VPS37A: variants seen among roughly 807,000 people sequenced by gnomAD.
VPS37A encodes the protein VPS37A subunit of ESCRT-I.
VPS37A carries 30 observed loss-of-function variants against 49.8 expected under a neutral mutation model. The observed-to-expected ratio is 0.60, with a 90% confidence interval of 0.45 to 0.82. VPS37A has a LOEUF of 0.82. Among genes scored for constraint, VPS37A ranks in the 40% least tolerant of loss-of-function variants. VPS37A has a pLI of 0.00. For missense variants in VPS37A, 593 were observed against 464.4 expected (o/e 1.28, Z -2.55); for synonymous variants, 195 against 160.6 (o/e 1.21, Z -1.62).
chr8:17,253,455 G>A (rs1812158349), intron 1 of VPS37A, among the ~76,000 whole-genome samples: 1 of 152,190 alleles, frequency 6.6e-6, no homozygotes, highest in African/African-American at 2.4e-5. Context: ...ATTCCTGGTT[G>A]TCACAGAAGA....
At chr8:17,305,653 G>T, downstream of VPS37A, 3 of 956,396 alleles carry the variant, frequency 3.1e-6, no homozygotes, top group Admixed American at 2.3e-5. Context: ...ATAGGTATGT[G>T]ACTAAATGAA....
chr8:17,274,044 A>G (rs1046675010), intron 4 of VPS37A, among the ~76,000 whole-genome samples: 1 of 152,196 alleles, frequency 6.6e-6, no homozygotes, highest in African/African-American at 2.4e-5. Flanking sequence ...AATTACTCTA[A>G]TGCTTTTTAG....
the VPS37A span, among the ~76,000 whole-genome samples, chr8:17,317,599 G>C: frequency 5.3e-5 from 8 of 152,288 alleles, no homozygotes; most frequent in East Asian, 1.5e-3. Context: ...ATCTTCTCTT[G>C]TGGAAGTGTG....
intron 9 of VPS37A, among the ~76,000 whole-genome samples, chr8:17,281,027 G>T (rs1392557508): frequency 6.6e-6 from 1 of 151,646 alleles, no homozygotes; most frequent in Non-Finnish European, 1.5e-5. Context: ...GGAACTTTGG[G>T]TAAAGTCAAT....
intron 4 of VPS37A, among the ~76,000 whole-genome samples, chr8:17,271,039 C>T (rs1270175759): frequency 6.6e-6 from 1 of 152,134 alleles, no homozygotes; most frequent in Non-Finnish European, 1.5e-5. Flanking sequence ...CACACAGGAG[C>T]CACTGGTTCA....
intron 11 of VPS37A, among the ~76,000 whole-genome samples, chr8:17,290,132 G>A (rs772851670): frequency 2.2e-4 from 34 of 152,208 alleles, no homozygotes; most frequent in Non-Finnish European, 4.3e-4. Flanking sequence ...ATATACAATC[G>A]GGTCATCTGC....
intron 6 of VPS37A, among the ~76,000 whole-genome samples, chr8:17,278,378 C>T (rs1814723380): frequency 1.3e-5 from 2 of 152,078 alleles, no homozygotes; most frequent in Non-Finnish European, 2.9e-5. Flanking sequence ...AAGAACTTGA[C>T]TTAATCAACT....
chr8:17,332,979 C>T, the VPS37A span, among the ~76,000 whole-genome samples: 1 of 151,772 alleles, frequency 6.6e-6, no homozygotes, highest in African/African-American at 2.4e-5. Context: ...TCATTGATAC[C>T]GAGAGCATAT....
rs1563300060 is a variant in VPS37A, at chr8:17,295,921, C to T, written c.*935C>T. 1 of 152,224 alleles carries T rather than the reference C, an allele frequency of 6.6e-6. No individual in the cohort carries two copies. The highest frequency in any genetic ancestry group is 1.9e-4 in the East Asian group (1 of 5,166). The allele number at this position is 152,224 out of a possible 1,614,324, so 9.4% of individuals were successfully genotyped here. On this transcript the variant is annotated 3_prime_UTR_variant, in exon 12 of 12. Transcript: ENST00000324849. The stretch of plus-strand genomic sequence containing the variant: ...TTTTTAATGAATTTAATTGAGTGTT[C>T]TTGTATACTACATTGAGCAGTTTGC...
At chr8:17,248,618 A>G (rs983606225) in intron 1 of VPS37A, among the ~76,000 whole-genome samples, 2 of 152,186 alleles carry the variant, frequency 1.3e-5, no homozygotes, top group Non-Finnish European at 1.5e-5. Context: ...GTTAAAAAAT[A>G]TGTATCCTCA....
downstream of VPS37A, among the ~76,000 whole-genome samples, chr8:17,301,096 T>C (rs770676253): frequency 3.9e-5 from 6 of 152,254 alleles, no homozygotes; most frequent in Non-Finnish European, 8.8e-5. Flanking sequence ...GGAGGTGTTA[T>C]AAGATCAAGT....
At chr8:17,300,211 A>T (rs754170659), downstream of VPS37A, 2 of 1,602,084 alleles carry the variant, frequency 1.2e-6, no homozygotes, top group Admixed American at 1.7e-5. Context: ...GACCTTTTGA[A>T]TTTTTTCCAG....
intron 10 of VPS37A, 93 bp from the exon 11 acceptor site, chr8:17,286,254 A>C: frequency 1.0e-6 from 1 of 961,338 alleles, no homozygotes; most frequent in Non-Finnish European, 1.6e-6. Context: ...AATAATGCCA[A>C]CAAGTTAAAA....
At chr8:17,300,887 A>G (rs6982722), downstream of VPS37A, among the ~76,000 whole-genome samples, 37,555 of 152,112 alleles carry the variant, frequency 0.25, 5,805 homozygotes, top group East Asian at 0.62. Context: ...GGATTTTTGT[A>G]TCTGGCTTCC....
chr8:17,329,936 T>C, the VPS37A span, among the ~76,000 whole-genome samples: 201 of 152,196 alleles, frequency 1.3e-3, 1 homozygote, highest in African/African-American at 4.3e-3. Context: ...GGCTGAGATG[T>C]TTTCAGATGT....
chr8:17,307,604 C>T, the VPS37A span, among the ~76,000 whole-genome samples: 17 of 152,168 alleles, frequency 1.1e-4, no homozygotes, highest in East Asian at 3.3e-3. Context: ...TATAGCGGCA[C>T]TATTCACAAT....
At chr8:17,247,669 C>A (rs1353846947) in intron 1 of VPS37A, 1 of 703,514 alleles carries the variant, frequency 1.4e-6, no homozygotes. Context: ...TTTCCAGTAT[C>A]CCTTGCTGCC....
chr8:17,304,638 G>C, downstream of VPS37A: 7 of 999,114 alleles, frequency 7.0e-6, no homozygotes, highest in South Asian at 8.0e-5. Flanking sequence ...GTGTCTGTTC[G>C]ATAGCAGGTA....
downstream of VPS37A, among the ~76,000 whole-genome samples, chr8:17,306,289 G>A (rs1817450882): frequency 6.6e-6 from 1 of 151,916 alleles, no homozygotes; most frequent in Non-Finnish European, 1.5e-5. Context: ...TAAAATAAAT[G>A]TTGCACTTTA....
Sources: allele counts gnomAD v4.1 joint callset (sites outside exome capture counted in the v4.1 genomes callset), GRCh38; gene constraint gnomAD v4.1.1; transcripts MANE v1.5; gene names NCBI Gene and HGNC (gene_info 2026-07-23, HGNC 2026-07-21).